Variants in WWOX observed in about 807,000 individuals in gnomAD.
The protein encoded by WWOX is WW domain containing oxidoreductase, also known as WW domain-containing oxidoreductase.
In WWOX, 69 loss-of-function variants were observed where a neutral mutation model predicts 46.2. The observed-to-expected ratio is 1.49, with a 90% CI of 1.23 to 1.82. WWOX has a LOEUF of 1.82. Ranked by LOEUF, WWOX falls within the 40% of genes most tolerant of loss-of-function variation. The pLI is 0.00. For missense variants in WWOX, 919 were observed against 542.6 expected (o/e 1.69, Z -6.89); for synonymous variants, 359 against 202.6 (o/e 1.77, Z -6.56).
intron 8 of WWOX, among the ~76,000 whole-genome samples, chr16:78,902,749 C>T (rs919324723): frequency 1.3e-5 from 2 of 152,202 alleles, no homozygotes; most frequent in Admixed American, 6.5e-5. Flanking sequence ...TCCACTTTTC[C>T]ATCCACTGTC....
intron 8 of WWOX, among the ~76,000 whole-genome samples, chr16:78,884,695 C>T (rs1328806321): frequency 2.6e-5 from 4 of 152,106 alleles, no homozygotes; most frequent in Admixed American, 2.0e-4. Context: ...ATGAAGTGTC[C>T]TCCGTCATGT....
intron 8 of WWOX, among the ~76,000 whole-genome samples, chr16:79,177,953 G>C (rs1174795243): frequency 3.3e-5 from 5 of 152,178 alleles, no homozygotes; most frequent in African/African-American, 9.7e-5. Flanking sequence ...GGCAGATTCA[G>C]CTTCTGTTGA....
chr16:78,944,788 T>C (rs978409483), intron 8 of WWOX, among the ~76,000 whole-genome samples: 6 of 152,194 alleles, frequency 3.9e-5, no homozygotes, highest in African/African-American at 1.4e-4. Flanking sequence ...CATGGCCCTG[T>C]AAGTGAAATT....
chr16:78,464,683 T>A (rs1309040191), intron 8 of WWOX, among the ~76,000 whole-genome samples: 3 of 152,158 alleles, frequency 2.0e-5, no homozygotes, highest in Non-Finnish European at 4.4e-5. Flanking sequence ...TTTCTTACGT[T>A]GCCCCCACCC....
rs71140808 is a variant in WWOX at position 78,527,991 on chromosome 16, C to CTTTTTTTTTTTTTTTTTTTTTTTTTTTT, written c.1056+95264_1056+95265insTTTTTTTTTTTTTTTTTTTTTTTTTTTT. ...CTATGTCACAGGACTGGTACATGTCCTTTTTTTTTTTTTTTTTTTTTTTTT... is the reference window on the plus strand; with the variant it reads ...CTATGTCACAGGACTGGTACATGTCCTTTTTTTTTTTTTTTTTTTTTTTTTTTTTTTTTTTTTTTTTTTTTTTTTTTTT... On this transcript the variant is annotated intron_variant, in intron 8 of 8. Coordinates refer to ENST00000566780, the MANE Select transcript of WWOX (RefSeq NM_016373.4). 1.0e-3 allele frequency among the ~76,000 whole-genome samples: 36 copies of CTTTTTTTTTTTTTTTTTTTTTTTTTTTT among 34,880 alleles called. 5 individuals carry two copies. The highest frequency in any genetic ancestry group is 2.9e-3 in the East Asian group (3 of 1,024). The allele number at this position is 34,880 out of a possible 152,430, so 22.9% of individuals were successfully genotyped here. A position where few individuals can be genotyped will look rare whatever the true frequency, so the allele number is the denominator to read the frequency against.
In WWOX at chr16:78,619,143, ATATATATATATATATAT is replaced by A. The variant is rs2046109351; in HGVS notation, c.1056+186392_1056+186408del. ...AAACCCCATTTCTACTAAAAAAAAA[ATATATATATATATATAT>A]ATATATATATATATATATATATATA... On this transcript the variant is annotated intron_variant, in intron 8 of 8. Coordinates refer to ENST00000566780, the MANE Select transcript of WWOX (RefSeq NM_016373.4). Among the ~76,000 whole-genome samples, 8 of 3,532 alleles carry A rather than the reference ATATATATATATATATAT, an allele frequency of 2.3e-3. 3 individuals carry two copies. Among genetic ancestry groups the A allele is most frequent in the Non-Finnish European group, 3.1e-3 (6 of 1,964 alleles). 2.3% of individuals were successfully genotyped at this position (3,532 alleles called of 152,430 possible).
At chr16:79,204,980 T>G (rs1053505782) in intron 8 of WWOX, 3 of 152,176 alleles carry the variant, frequency 2.0e-5, no homozygotes, top group South Asian at 2.1e-4. Flanking sequence ...CTCATGTCTT[T>G]TGTCAGGGAG....
At chr16:78,158,256 T>C (rs1475078230) in intron 4 of WWOX, among the ~76,000 whole-genome samples, 2 of 152,226 alleles carry the variant, frequency 1.3e-5, no homozygotes, top group Admixed American at 1.3e-4. Context: ...GCGTGCATAT[T>C]AACATTATCT....
chr16:78,561,723 A>T (rs1203906171), intron 8 of WWOX, among the ~76,000 whole-genome samples: 1 of 152,188 alleles, frequency 6.6e-6, no homozygotes, highest in Non-Finnish European at 1.5e-5. Flanking sequence ...AGAGCGCCTT[A>T]TAGGGAATCA....
intron 8 of WWOX, among the ~76,000 whole-genome samples, chr16:78,968,916 A>G (rs2046415676): frequency 8.8e-6 from 1 of 113,916 alleles, no homozygotes; most frequent in Non-Finnish European, 2.0e-5. Context: ...GCAGTTTCTT[A>G]AAGAAAAAAA....
Position 78,929,666 on chromosome 16 carries a change from G to A in WWOX, c.1057-281942G>A, listed in dbSNP as rs912301722. Among the ~76,000 whole-genome samples, 7 of 152,232 alleles carry A rather than the reference G, an allele frequency of 4.6e-5. No homozygotes were observed. In the East Asian group the frequency reaches 1.2e-3, roughly 25 times the overall value. On this transcript the variant is annotated intron_variant, in intron 8 of 8. Transcript: ENST00000566780. ...GTTGGGATGGCGACTAAAGACCCGC[G>A]TGGACTGCATGCTGCAGCCAGCTCA...
intron 5 of WWOX, among the ~76,000 whole-genome samples, chr16:78,373,080 C>T (rs964570439): frequency 6.6e-6 from 1 of 152,150 alleles, no homozygotes; most frequent in Non-Finnish European, 1.5e-5. Flanking sequence ...TTTCTGCTTG[C>T]ACACTGGACA....
chr16:78,885,265 G>T (rs1056735600), intron 8 of WWOX, among the ~76,000 whole-genome samples: 1 of 140,578 alleles, frequency 7.1e-6, no homozygotes, highest in Non-Finnish European at 1.5e-5. Flanking sequence ...AAATACTCTT[G>T]CCTTCTTCCA....
chr16:78,872,943 A>T (rs1318141842), intron 8 of WWOX: 1 of 152,184 alleles, frequency 6.6e-6, no homozygotes, highest in Non-Finnish European at 1.5e-5. Flanking sequence ...GACCACAGGT[A>T]TATTTCACCA....
chr16:78,991,600 C>CAAA (rs57514915), intron 8 of WWOX, among the ~76,000 whole-genome samples: 942 of 78,156 alleles, frequency 0.012, 46 homozygotes, highest in African/African-American at 0.044. Flanking sequence ...GACCTTGTCT[C>CAAA]AAAAAAAAAA....
intron 5 of WWOX, among the ~76,000 whole-genome samples, chr16:78,190,218 A>G (rs941491125): frequency 2.0e-5 from 3 of 152,144 alleles, no homozygotes; most frequent in South Asian, 2.1e-4. Flanking sequence ...AGAAGGGGCA[A>G]TCTCTTATCT....
intron 8 of WWOX, among the ~76,000 whole-genome samples, chr16:78,968,728 C>G (rs1007914939): frequency 6.6e-6 from 1 of 152,108 alleles, no homozygotes; most frequent in Non-Finnish European, 1.5e-5. Flanking sequence ...CTTTTTGAAA[C>G]CATGCTCATT....
chr16:78,375,500 A>G (rs373799558), intron 5 of WWOX, among the ~76,000 whole-genome samples: 70 of 152,364 alleles, frequency 4.6e-4, no homozygotes, highest in African/African-American at 1.5e-3. Context: ...TTGACTGTGC[A>G]TCAGGTATTA....
intron 8 of WWOX, among the ~76,000 whole-genome samples, chr16:78,973,238 T>G (rs960144884): frequency 6.6e-6 from 1 of 152,172 alleles, no homozygotes; most frequent in Non-Finnish European, 1.5e-5. Context: ...CTTGTGTTGA[T>G]GGAATCTCGT....
Sources: allele counts gnomAD v4.1 joint callset (sites outside exome capture counted in the v4.1 genomes callset), GRCh38; gene constraint gnomAD v4.1.1; transcripts MANE v1.5; gene names NCBI Gene and HGNC (gene_info 2026-07-23, HGNC 2026-07-21).